Variants in NEK7 observed in about 807,000 individuals in gnomAD.
NEK7 encodes the protein NIMA related kinase 7.
In NEK7, 18 loss-of-function variants were observed where a neutral mutation model predicts 44.6. The observed-to-expected ratio is 0.40, with a 90% CI of 0.28 to 0.60. The LOEUF (loss-of-function observed/expected upper bound fraction) is 0.60. Ranked by LOEUF, NEK7 falls within the 20% of genes least tolerant of loss-of-function variation. The pLI is 0.38. For synonymous variants in NEK7, 130 were observed against 121.1 expected, an observed-to-expected ratio of 1.07 and a Z score of -0.48; for missense variants, 256 against 366.5, an observed-to-expected ratio of 0.70 and a Z score of 2.46.
chr1:198,254,446 A>T (rs1223236089), intron 3 of NEK7, among the ~76,000 whole-genome samples: 1 of 152,126 alleles, frequency 6.6e-6, no homozygotes, highest in African/African-American at 2.4e-5. Context: ...TTATATATGT[A>T]TTACACGCAC....
chr1:198,284,826 C>T (rs544059476), intron 7 of NEK7, among the ~76,000 whole-genome samples: 1 of 152,178 alleles, frequency 6.6e-6, no homozygotes, highest in African/African-American at 2.4e-5. Flanking sequence ...TCAAACTTCC[C>T]TTATTTCCTA....
chr1:198,185,889 T>C (rs1664907736), intron 1 of NEK7, among the ~76,000 whole-genome samples: 1 of 152,244 alleles, frequency 6.6e-6, no homozygotes, highest in Non-Finnish European at 1.5e-5. Context: ...AGATTAGTTG[T>C]CATTTTTATT....
chr1:198,253,315 TA>T, intron 3 of NEK7, 135 bp downstream of exon 3: 1 of 580,262 alleles, frequency 1.7e-6, no homozygotes, highest in South Asian at 2.7e-5. Flanking sequence ...CGTTGTATTT[TA>T]AAAGCCAGAA....
At chr1:198,242,321 C>A (rs549068596) in intron 2 of NEK7, among the ~76,000 whole-genome samples, 8 of 152,106 alleles carry the variant, frequency 5.3e-5, no homozygotes, top group African/African-American at 1.9e-4. Context: ...TTGCTGAAAA[C>A]CCAGACCCCC....
chr1:198,284,388 A>T (rs1161542533), intron 7 of NEK7, among the ~76,000 whole-genome samples: 1 of 152,154 alleles, frequency 6.6e-6, no homozygotes, highest in East Asian at 1.9e-4. Flanking sequence ...ACATATGAAG[A>T]CATAGTTTGC....
chr1:198,240,784 C>T (rs1280648636), intron 2 of NEK7, among the ~76,000 whole-genome samples: 2 of 152,160 alleles, frequency 1.3e-5, no homozygotes, highest in African/African-American at 4.8e-5. Context: ...CAACCTTTGC[C>T]ACCTGGGTTT....
intron 1 of NEK7, among the ~76,000 whole-genome samples, chr1:198,175,169 T>TA (rs1218877020): frequency 6.6e-6 from 1 of 152,068 alleles, no homozygotes; most frequent in Non-Finnish European, 1.5e-5. Context: ...GTGTCTGTAA[T>TA]AGAGTAGGTA....
At chr1:198,219,238 TTATG>T (rs1346874920) in intron 1 of NEK7, among the ~76,000 whole-genome samples, 1 of 150,440 alleles carries the variant, frequency 6.6e-6, no homozygotes, top group Non-Finnish European at 1.5e-5. Context: ...TCTATTAAAT[TTATG>T]TATATTTTAC....
intron 1 of NEK7, among the ~76,000 whole-genome samples, chr1:198,176,520 G>T (rs1420404217): frequency 2.0e-5 from 3 of 152,014 alleles, no homozygotes; most frequent in Non-Finnish European, 4.4e-5. Flanking sequence ...GTGAGGTTGA[G>T]GAGATTATGT....
chr1:198,178,182 A>G (rs1664660339), intron 1 of NEK7, among the ~76,000 whole-genome samples: 1 of 152,096 alleles, frequency 6.6e-6, no homozygotes, highest in South Asian at 2.1e-4. Flanking sequence ...ATAAATTTTA[A>G]AGTAGAGTTT....
intron 9 of NEK7, among the ~76,000 whole-genome samples, chr1:198,317,877 ATTTT>A (rs34704209): frequency 1.3e-4 from 9 of 70,268 alleles, no homozygotes; most frequent in Non-Finnish European, 1.7e-4. Flanking sequence ...GGATATATTT[ATTTT>A]TTTTTTTTTT....
At chr1:198,159,613 A>G (rs1664039034) in intron 1 of NEK7, among the ~76,000 whole-genome samples, 1 of 152,156 alleles carries the variant, frequency 6.6e-6, no homozygotes, top group African/African-American at 2.4e-5. Flanking sequence ...TTCTAAGCGT[A>G]CAGACTCATT....
Position 198,257,066 on chromosome 1 carries a change from T to C in NEK7, c.198+3886T>C, listed in dbSNP as rs1653291369. On this transcript the variant is annotated intron_variant, in intron 3 of 9. Coordinates refer to ENST00000367385, the MANE Select transcript of NEK7 (RefSeq NM_133494.3). ...TGAGGTATTTTGATCCTTTGTTCAT[T>C]AATGCTTAATTTCGCTTTGCTTACT... Among the ~76,000 whole-genome samples the C allele has an allele frequency of 3.3e-5, 5 of 152,312 alleles. 1 individual carries two copies. In the South Asian group the frequency reaches 1.0e-3, roughly 32 times the overall value.
chr1:198,321,987 T>A lies in NEK7; in HGVS notation c.*2465T>A, dbSNP rs1655546589. 1 of 152,140 alleles carries A rather than the reference T, an allele frequency of 6.6e-6. No homozygotes were observed. The highest frequency in any genetic ancestry group is 2.1e-4 in the South Asian group (1 of 4,824). 9.4% of individuals were successfully genotyped at this position (152,140 alleles called of 1,614,324 possible). A position where few individuals can be genotyped will look rare whatever the true frequency, so the allele number is the denominator to read the frequency against. ...TGTTTTGTATGGTAAGGTTTAGGAA[T>A]GGTGGATGAAGGGTATCTCTATATA... On this transcript the variant is annotated 3_prime_UTR_variant, in exon 10 of 10. Transcript: ENST00000367385.
At chr1:198,166,811 A>G (rs1315965932) in intron 1 of NEK7, among the ~76,000 whole-genome samples, 1 of 152,256 alleles carries the variant, frequency 6.6e-6, no homozygotes, top group Non-Finnish European at 1.5e-5. Context: ...AAGAATATCC[A>G]ATATGTGACA....
At chr1:198,283,696 C>G (rs188671185) in intron 7 of NEK7, among the ~76,000 whole-genome samples, 20 of 152,178 alleles carry the variant, frequency 1.3e-4, no homozygotes, top group Admixed American at 5.9e-4. Flanking sequence ...ATATCTACAT[C>G]TTTAAAATTT....
At chr1:198,189,039 A>G (rs565408714) in intron 1 of NEK7, among the ~76,000 whole-genome samples, 5 of 152,324 alleles carry the variant, frequency 3.3e-5, no homozygotes, top group African/African-American at 1.2e-4. Context: ...TACATATCTG[A>G]ATATTTCAAT....
At chr1:198,204,221 C>A (rs979822855) in intron 1 of NEK7, among the ~76,000 whole-genome samples, 2 of 152,042 alleles carry the variant, frequency 1.3e-5, no homozygotes, top group Non-Finnish European at 2.9e-5. Flanking sequence ...GATTGCACCA[C>A]TGCACTCCAG....
At chr1:198,217,954 A>G (rs1441552492) in intron 1 of NEK7, among the ~76,000 whole-genome samples, 7 of 152,050 alleles carry the variant, frequency 4.6e-5, no homozygotes, top group Non-Finnish European at 1.0e-4. Context: ...ATGGAAATAC[A>G]TCCCATGCTC....
Sources: gnomAD v4.1 joint callset for allele counts (sites outside exome capture counted in the v4.1 genomes callset) on GRCh38, gnomAD v4.1.1 for gene constraint, MANE v1.5 for transcripts, NCBI Gene and HGNC (gene_info 2026-07-23, HGNC 2026-07-21) for gene names.